The following NRG3 variants were observed in gnomAD, a reference collection of about 807,000 sequenced individuals.
NRG3 encodes pro-neuregulin-3, membrane-bound isoform.
NRG3 carries 31 observed loss-of-function variants against 66.9 expected under a neutral mutation model. That is an observed-to-expected ratio of 0.46 (90% CI 0.35 to 0.63). NRG3 has a LOEUF of 0.63. Ranked by LOEUF, NRG3 falls within the 20% of genes least tolerant of loss-of-function variation. The pLI, the probability that NRG3 is intolerant of heterozygous loss-of-function variation, is 0.00. For synonymous variants in NRG3, 393 were observed against 359.4 expected (o/e 1.09, Z -1.06); for missense variants, 910 against 878.9 (o/e 1.04, Z -0.45).
chr10:82,306,250 T>C (rs1362587239), intron 1 of NRG3, among the ~76,000 whole-genome samples: 3 of 152,204 alleles, frequency 2.0e-5, no homozygotes, highest in Non-Finnish European at 4.4e-5. Flanking sequence ...TGATACTTTA[T>C]ATGGGGCTTT....
At chr10:82,984,807 C>T (rs1302988004) in intron 8 of NRG3, 2 of 1,551,074 alleles carry the variant, frequency 1.3e-6, no homozygotes, top group African/African-American at 1.4e-5. Context: ...AGACTATATC[C>T]CACCTGCCTA....
intron 2 of NRG3, among the ~76,000 whole-genome samples, chr10:82,582,501 T>C (rs2046414564): frequency 6.6e-6 from 1 of 152,116 alleles, no homozygotes; most frequent in Non-Finnish European, 1.5e-5. Flanking sequence ...TTCTTGGACA[T>C]CTGTTCAGCT....
intron 4 of NRG3, among the ~76,000 whole-genome samples, chr10:82,925,029 A>G (rs755352101): frequency 3.3e-5 from 5 of 152,188 alleles, no homozygotes; most frequent in African/African-American, 1.2e-4. Flanking sequence ...TGTATCCATC[A>G]TATTTTTATG....
chr10:82,137,091 G>A (rs74144162), intron 1 of NRG3, among the ~76,000 whole-genome samples: 3,332 of 152,196 alleles, frequency 0.022, 110 homozygotes, highest in African/African-American at 0.075. Flanking sequence ...TTTGATGTTC[G>A]TGTGGGGGAA....
chr10:82,219,150 A>C (rs957803685), intron 1 of NRG3, among the ~76,000 whole-genome samples: 1 of 151,420 alleles, frequency 6.6e-6, no homozygotes, highest in Non-Finnish European at 1.5e-5. Context: ...ATTTGTTCTT[A>C]GTATATATAT....
At chr10:82,984,714 G>C in intron 8 of NRG3, 1 of 1,492,752 alleles carries the variant, frequency 6.7e-7, no homozygotes, top group African/African-American at 1.4e-5. Context: ...ATGCCATTAT[G>C]GGTGTCCTGT....
intron 1 of NRG3, among the ~76,000 whole-genome samples, chr10:81,985,035 G>C (rs1375879919): frequency 6.6e-6 from 1 of 152,162 alleles, no homozygotes; most frequent in Non-Finnish European, 1.5e-5. Flanking sequence ...CATGTATGTA[G>C]ACATATCAGG....
chr10:82,505,512 T>C (rs955439862), intron 2 of NRG3, among the ~76,000 whole-genome samples: 1 of 152,184 alleles, frequency 6.6e-6, no homozygotes. Flanking sequence ...CCACAGGAAG[T>C]CTCAGGCTCA....
chr10:82,080,106 T>C (rs2065304680), intron 1 of NRG3, among the ~76,000 whole-genome samples: 1 of 152,290 alleles, frequency 6.6e-6, no homozygotes, highest in Admixed American at 6.5e-5. Context: ...TGGCATGGAC[T>C]TTGCGTGGGC....
At chr10:82,105,744 A>G (rs963136200) in intron 1 of NRG3, among the ~76,000 whole-genome samples, 3 of 152,246 alleles carry the variant, frequency 2.0e-5, no homozygotes, top group African/African-American at 4.8e-5. Flanking sequence ...ACATGTCAAT[A>G]TGAAAATAGA....
intron 1 of NRG3, among the ~76,000 whole-genome samples, chr10:82,273,703 G>A (rs2078710184): frequency 6.6e-6 from 1 of 151,924 alleles, no homozygotes; most frequent in African/African-American, 2.4e-5. Context: ...TTCCTAGGGA[G>A]AACTTTGAAA....
At chr10:82,207,347 G>T (rs2075169483) in intron 1 of NRG3, among the ~76,000 whole-genome samples, 2 of 152,150 alleles carry the variant, frequency 1.3e-5, no homozygotes, top group South Asian at 4.1e-4. Flanking sequence ...CAGTAGTGAA[G>T]TGCACGGGTC....
At chr10:82,171,786 T>C (rs1739778) in intron 1 of NRG3, among the ~76,000 whole-genome samples, 129,281 of 151,930 alleles carry the variant, frequency 0.85, 55,088 homozygotes, top group East Asian at 0.9. Context: ...ACGTTTCATG[T>C]AGCAGGAAAG....
chr10:81,875,433 G>T lies in NRG3; in HGVS notation c.93G>T (p.Ala31=). 8.7e-7 allele frequency: 1 copy of T among 1,144,738 alleles called. No individual in the cohort carries two copies. Among genetic ancestry groups the T allele is most frequent in the Non-Finnish European group, 1.1e-6 (1 of 933,252 alleles). The allele number at this position is 1,144,738 out of a possible 1,614,324, so 70.9% of individuals were successfully genotyped here. A position where few individuals can be genotyped will look rare whatever the true frequency, so the allele number is the denominator to read the frequency against. Residue 31 remains alanine (A), a synonymous_variant, in exon 1 of 9, where the codon GCG becomes GCT. Coordinates refer to ENST00000372141, the MANE Select transcript of NRG3 (RefSeq NM_001010848.4). The surrounding 1 kb of genome is among the most constrained non-coding windows in gnomAD (Gnocchi z 5.3). ...AGGGCACCGCGGCGGCTGCGGCGGCGGCAGCGGCGGGCGGGGGCCCGGACG... is the reference window on the plus strand; with the variant it reads ...AGGGCACCGCGGCGGCTGCGGCGGCTGCAGCGGCGGGCGGGGGCCCGGACG... ...AEEGTAAAAA[A]AAAGGGPDGG...
At chr10:82,969,765 G>T (rs931105820) in intron 6 of NRG3, among the ~76,000 whole-genome samples, 1 of 152,136 alleles carries the variant, frequency 6.6e-6, no homozygotes, top group Admixed American at 6.5e-5. Flanking sequence ...TAATTAGATA[G>T]TTAATAATTT....
chr10:82,847,042 T>A (rs74995437), intron 3 of NRG3, among the ~76,000 whole-genome samples: 1 of 152,126 alleles, frequency 6.6e-6, no homozygotes, highest in Admixed American at 6.6e-5. Context: ...TCATCAGAGA[T>A]CCAGTTCCTT....
At chr10:82,377,286 A>G (rs1242125040) in intron 2 of NRG3, among the ~76,000 whole-genome samples, 1 of 152,198 alleles carries the variant, frequency 6.6e-6, no homozygotes, top group Non-Finnish European at 1.5e-5. Context: ...ATAGGCAGGG[A>G]CAACAAGGAT....
At chr10:82,684,199 T>A (rs1389313351) in intron 2 of NRG3, among the ~76,000 whole-genome samples, 2 of 152,182 alleles carry the variant, frequency 1.3e-5, no homozygotes, top group Admixed American at 1.3e-4. Context: ...TCCCATTCCC[T>A]CAGGGATAAT....
At chr10:82,388,211 G>C (rs958638908) in intron 2 of NRG3, among the ~76,000 whole-genome samples, 1 of 152,104 alleles carries the variant, frequency 6.6e-6, no homozygotes, top group Non-Finnish European at 1.5e-5. Context: ...ACTCTCATGT[G>C]GGATATAATA....
Sources: gnomAD v4.1 joint callset for allele counts (sites outside exome capture counted in the v4.1 genomes callset) on GRCh38, gnomAD v4.1.1 for gene constraint, Gnocchi (gnomAD v3.1) non-coding constraint, MANE v1.5 for transcripts, NCBI Gene and HGNC (gene_info 2026-07-23, HGNC 2026-07-21) for gene names.